The following LSS variants were observed in gnomAD, a reference collection of about 807,000 sequenced individuals.
LSS encodes lanosterol synthase, also known as 2,3-epoxysqualene-lanosterol cyclase.
A neutral mutation model predicts 110.3 loss-of-function variants in LSS; 90 were observed. The ratio of observed to expected loss-of-function variants is 0.82; its 90% CI spans 0.69 to 0.97. LSS has a LOEUF of 0.97. Among genes scored for constraint, LSS ranks in the 50% least tolerant of loss-of-function variants. The pLI, the probability that LSS is intolerant of heterozygous loss-of-function variation, is 0.00. For synonymous variants in LSS, 433 were observed against 400.0 expected (o/e 1.08, Z -0.98); for missense variants, 927 against 990.0 (o/e 0.94, Z 0.85).
In LSS at chr21:46,189,801, G is replaced by A. The variant is rs753339822; in HGVS notation, c.*1303C>T. 7 of 444,522 alleles carry A rather than the reference G, an allele frequency of 1.6e-5. No homozygotes were observed. The Middle Eastern group carries it at 1.3e-3, about 84-fold the overall frequency. The allele number at this position is 444,522 out of a possible 1,614,324, so 27.5% of individuals were successfully genotyped here. A position where few individuals can be genotyped will look rare whatever the true frequency, so the allele number is the denominator to read the frequency against. ...GTGTGCCCTGGGCAAGGCAGCAGGG[G>A]TAACGAAGCTCTCAGTGACTCCTCC... is the stretch of plus-strand genomic sequence containing the variant. On this transcript the variant is annotated 3_prime_UTR_variant, in exon 22 of 22. Transcript: ENST00000397728.
intron 15 of LSS, among the ~76,000 whole-genome samples, 159 bp downstream of exon 15, chr21:46,207,269 A>G (rs550524613): frequency 1.3e-5 from 2 of 152,348 alleles, no homozygotes; most frequent in African/African-American, 4.8e-5. Context: ...GGGTCCAGCC[A>G]GAGCTCACAG....
At chr21:46,222,435 A>G (rs896815294) in intron 4 of LSS, 195 bp downstream of exon 4, 1 of 581,218 alleles carries the variant, frequency 1.7e-6, no homozygotes, top group Non-Finnish European at 3.1e-6. Context: ...CCATTTAACA[A>G]AAGATGTGAA....
rs1260356055 is a variant in LSS, at chr21:46,216,021, T to C, written c.784-228A>G. On this transcript the variant is annotated intron_variant, in intron 7 of 21. Transcript: ENST00000397728. This position sits in a 1 kb window ranked among gnomAD's most constrained non-coding sequence, Gnocchi z 4.2. ...AGTCCCAGGTCTGCCCAGAAGCTCA[T>C]TTCCTCCCTCTGCCCCTCCTTCTTC... is the stretch of plus-strand genomic sequence containing the variant. Among the ~76,000 whole-genome samples the C allele has an allele frequency of 6.6e-6, 1 of 152,120 alleles. No individual in the cohort carries two copies. The highest frequency in any genetic ancestry group is 1.9e-4 in the East Asian group (1 of 5,176).
At chr21:46,213,597 G>A in intron 10 of LSS, 141 bp downstream of exon 10, 2 of 682,246 alleles carry the variant, frequency 2.9e-6, no homozygotes, top group African/African-American at 1.8e-5. Flanking sequence ...GCTTCCACAA[G>A]CCCTGACACT....
intron 13 of LSS, 109 bp from the exon 14 acceptor site, chr21:46,208,410 G>T: frequency 2.0e-6 from 2 of 998,672 alleles, no homozygotes; most frequent in Non-Finnish European, 3.1e-6. Context: ...GGCAGAACGT[G>T]CCTGGGAGCT....
intron 12 of LSS, among the ~76,000 whole-genome samples, chr21:46,210,109 C>A (rs759362116): frequency 6.7e-6 from 1 of 149,968 alleles, no homozygotes; most frequent in Non-Finnish European, 1.5e-5. Flanking sequence ...CTCTGTCACC[C>A]AGGCTGGAGT....
chr21:46,188,934 A>T lies in LSS; in HGVS notation c.*2170T>A. ...CCTTTAAAACATATTAAAATAGGCT[A>T]TGCTATTATCTCTTAAAATATCTGT... On this transcript the variant is annotated 3_prime_UTR_variant, in exon 22 of 22. Coordinates refer to ENST00000397728, the MANE Select transcript of LSS (RefSeq NM_002340.6). 2.6e-6 allele frequency: 1 copy of T among 378,286 alleles called. No individual in the cohort carries two copies. Among genetic ancestry groups the T allele is most frequent in the Admixed American group, 3.5e-5 (1 of 28,420 alleles). The allele number at this position is 378,286 out of a possible 1,614,324, so 23.4% of individuals were successfully genotyped here. A position where few individuals can be genotyped will look rare whatever the true frequency, so the allele number is the denominator to read the frequency against.
rs1466290509 is a variant in LSS, at chr21:46,216,550, G to A, written c.648-26C>T. 1.3e-6 allele frequency: 2 copies of A among 1,565,456 alleles called. No individual in the cohort carries two copies. The highest frequency in any genetic ancestry group is 2.3e-5 in the East Asian group (1 of 43,626). On this transcript the variant is annotated intron_variant, in intron 6 of 21. Coordinates refer to ENST00000397728, the MANE Select transcript of LSS (RefSeq NM_002340.6). This position sits in a 1 kb window ranked among gnomAD's most constrained non-coding sequence, Gnocchi z 4.2. ...CTGGGGCAACAGCAGGAGTCAGTGG[G>A]AGACCCCAAGACTCAAGCCTGCCCC...
chr21:46,201,553 G>C (rs111421120), intron 17 of LSS, among the ~76,000 whole-genome samples: 12 of 147,920 alleles, frequency 8.1e-5, no homozygotes, highest in South Asian at 2.2e-4. Flanking sequence ...ATGAAGCCCT[G>C]AGGGTAGAGC....
intron 19 of LSS, 57 bp from the exon 20 acceptor site, chr21:46,194,718 G>T: frequency 6.5e-7 from 1 of 1,546,300 alleles, no homozygotes; most frequent in Non-Finnish European, 8.7e-7. Flanking sequence ...CAGACCCCTG[G>T]CTTCTCACCC....
chr21:46,205,702 T>A (rs923115312), intron 17 of LSS, 134 bp downstream of exon 17: 9 of 651,088 alleles, frequency 1.4e-5, no homozygotes, highest in Non-Finnish European at 2.4e-5. Flanking sequence ...TTCCACAACA[T>A]CCGAAGCCTC....
intron 17 of LSS, among the ~76,000 whole-genome samples, chr21:46,202,475 A>G (rs148072377): frequency 6.6e-6 from 1 of 152,204 alleles, no homozygotes; most frequent in Non-Finnish European, 1.5e-5. Flanking sequence ...TTAAAAACTT[A>G]TGTTCATACT....
Position 46,210,714 on chromosome 21 carries a change from C to T in LSS, c.1168G>A (p.Ala390Thr), listed in dbSNP as rs762530682. ...TCAAGCAGAGCCTGGATGGCGAATGCGGTGTCCCAGATCTGTGAGCCGTTG... is the reference window on the plus strand; with the variant it reads ...TCAAGCAGAGCCTGGATGGCGAATGTGGTGTCCCAGATCTGTGAGCCGTTG... Reference protein sequence around the residue: ...GTNGSQIWDTAFAIQALLEAG... With the variant: ...GTNGSQIWDTTFAIQALLEAG... Residue 390 changes from alanine to threonine, a missense_variant, in exon 12 of 22, where the codon GCA (alanine) becomes ACA (threonine). Physicochemically the swap from Ala to Thr is moderately conservative, Grantham distance 58. Coordinates refer to ENST00000397728, the MANE Select transcript of LSS (RefSeq NM_002340.6). 2.0e-5 allele frequency: 32 copies of T among 1,613,960 alleles called. No individual in the cohort carries two copies. Among genetic ancestry groups the T allele is most frequent in the Non-Finnish European group, 2.3e-5 (27 of 1,179,962 alleles).
At chr21:46,211,416 A>C (rs2080133141) in intron 11 of LSS, among the ~76,000 whole-genome samples, 1 of 152,204 alleles carries the variant, frequency 6.6e-6, no homozygotes, top group South Asian at 2.1e-4. Context: ...GGCGTGAGCC[A>C]CCGCACCTGG....
Position 46,196,251 on chromosome 21 carries a change from C to G in LSS, c.1687G>C (p.Gly563Arg). The G allele has an allele frequency of 6.2e-7, 1 of 1,614,158 alleles. No individual in the cohort carries two copies. Among genetic ancestry groups the G allele is most frequent in the Non-Finnish European group, 8.5e-7 (1 of 1,180,034 alleles). ...TGCTGCCGCCGACAGAACTCTAAGC[C>G]CTGCGTGAGGGTCTCCCTGGAACAC... ...AAEIRETLTQ[G>R]LEFCRRQQRA... Residue 563 changes from glycine to arginine, a missense_variant, in exon 18 of 22, where the codon GGC becomes CGC. Physicochemically the swap from Gly to Arg is moderately radical, Grantham distance 125 (BLOSUM62 -2). Transcript: ENST00000397728.
At chr21:46,197,964 C>T (rs1037273291) in intron 17 of LSS, among the ~76,000 whole-genome samples, 9 of 152,068 alleles carry the variant, frequency 5.9e-5, no homozygotes, top group African/African-American at 2.2e-4. Context: ...AGGTCGATCT[C>T]AGAAATACAA....
intron 3 of LSS, among the ~76,000 whole-genome samples, chr21:46,223,682 C>T (rs993538654): frequency 6.6e-6 from 1 of 152,184 alleles, no homozygotes; most frequent in Non-Finnish European, 1.5e-5. Flanking sequence ...ATAATCCTCG[C>T]TCTACAATCA....
In LSS at chr21:46,209,656, G is replaced by A. The variant is rs117595640; in HGVS notation, c.1195-31C>T. The A allele has an allele frequency of 6.0e-3, 9,535 of 1,590,934 alleles. 412 individuals are homozygous for A. In the South Asian group the frequency reaches 0.081, roughly 13 times the overall value. On this transcript the variant is annotated intron_variant, in intron 12 of 21. Transcript: ENST00000397728. The surrounding 1 kb of genome is among the most constrained non-coding windows in gnomAD (Gnocchi z 4.4). ...AGAGACAGCAGGACAGAGAGGCTCA[G>A]CTGCCCTTGCACGGCCAGCATGGCT...
chr21:46,205,867 G>T lies in LSS; in HGVS notation c.1639C>A (p.Arg547Ser). ...TCCGCTGCCCTGTGCTCCGGGAAACGCTTGTGGAAATACTTAAGCGCCTGC... is the reference window on the plus strand; with the variant it reads ...TCCGCTGCCCTGTGCTCCGGGAAACTCTTGTGGAAATACTTAAGCGCCTGC... ...VMQALKYFHKRFPEHRAAEIR... is the reference protein window; with the variant it reads ...VMQALKYFHKSFPEHRAAEIR... Residue 547 changes from arginine (R) to serine (S), a missense_variant, in exon 17 of 22, where the codon CGT becomes AGT. By Grantham distance (110) the Arg-to-Ser change is moderately radical. Coordinates refer to ENST00000397728, the MANE Select transcript of LSS (RefSeq NM_002340.6). 1.2e-6 allele frequency: 2 copies of T among 1,610,044 alleles called. No homozygotes were observed. The highest frequency in any genetic ancestry group is 1.7e-6 in the Non-Finnish European group (2 of 1,178,388).
Sources: gnomAD v4.1 joint callset for allele counts (sites outside exome capture counted in the v4.1 genomes callset) on GRCh38, gnomAD v4.1.1 for gene constraint, Gnocchi (gnomAD v3.1) non-coding constraint, MANE v1.5 for transcripts, NCBI Gene and HGNC (gene_info 2026-07-23, HGNC 2026-07-21) for gene names.